Variants in ANK3 observed in about 807,000 individuals in gnomAD.
ANK3 encodes ankyrin-3.
ANK3 carries 57 observed loss-of-function variants against 370.9 expected under a neutral mutation model. The ratio of observed to expected loss-of-function variants is 0.15; its 90% confidence interval spans 0.12 to 0.19. The LOEUF (loss-of-function observed/expected upper bound fraction) is 0.19. ANK3 is among the 10% of genes least tolerant of loss of function. ANK3 has a pLI of 1.00. For synonymous variants in ANK3, 1,929 were observed against 1,946.3 expected (o/e 0.99, Z 0.23); for missense variants, 4,439 against 5,302.1 (o/e 0.84, Z 5.06).
chr10:60,262,019 A>G, intron 6 of ANK3, 62 bp from the exon 7 acceptor site: 2 of 1,375,120 alleles, frequency 1.5e-6, no homozygotes, highest in Non-Finnish European at 2.1e-6. Context: ...TGACAGGCAA[A>G]TATCATAACC....
At chr10:60,429,177 T>C (rs3999537) in intron 2 of ANK3, among the ~76,000 whole-genome samples, 54,702 of 152,006 alleles carry the variant, frequency 0.36, 10,236 homozygotes, top group South Asian at 0.43. Flanking sequence ...GAAGTTATGA[T>C]GCTGAATCTC....
intron 2 of ANK3, among the ~76,000 whole-genome samples, chr10:60,399,125 T>C (rs568487940): frequency 2.0e-4 from 30 of 152,268 alleles, no homozygotes; most frequent in Admixed American, 1.2e-3. Flanking sequence ...TGCATAATCT[T>C]TTTAAACATC....
intron 2 of ANK3, among the ~76,000 whole-genome samples, chr10:60,454,900 G>A (rs1303631758): frequency 6.6e-6 from 1 of 152,162 alleles, no homozygotes; most frequent in Non-Finnish European, 1.5e-5. Context: ...CTCAAATTGA[G>A]CAGGGGGAAA....
At chr10:60,572,635 G>T in intron 2 of ANK3, 2 of 1,475,482 alleles carry the variant, frequency 1.4e-6, no homozygotes, top group African/African-American at 1.4e-5. Flanking sequence ...CCATTTACGG[G>T]TGCTCCCCAG....
intron 2 of ANK3, among the ~76,000 whole-genome samples, chr10:60,513,387 A>G (rs1003471563): frequency 2.0e-4 from 31 of 152,116 alleles, no homozygotes; most frequent in African/African-American, 7.5e-4. Flanking sequence ...GTTTGTTCCA[A>G]TGGTGTTACT....
intron 1 of ANK3, among the ~76,000 whole-genome samples, chr10:60,662,135 CTATTGG>C (rs1010246863): frequency 2.0e-5 from 3 of 152,030 alleles, no homozygotes; most frequent in Non-Finnish European, 4.4e-5. Flanking sequence ...TCTATGACTA[CTATTGG>C]TCGTTTTTGA....
At position 60,317,613 on chromosome 10, in the gene ANK3, T is replaced by C. The variant is rs535836006; in HGVS notation, c.115-37974A>G. The stretch of plus-strand genomic sequence containing the variant: ...TAGCATGTCTGTAAAGTAAGTATTA[T>C]TATCTCCATCTGACAAATGAGAAAA... On this transcript the variant is annotated intron_variant, in intron 1 of 43. Coordinates refer to ENST00000280772, the MANE Select transcript of ANK3 (RefSeq NM_020987.5). 2.0e-5 allele frequency among the ~76,000 whole-genome samples: 3 copies of C among 152,328 alleles called. No homozygotes were observed. In the East Asian group the frequency reaches 5.8e-4, roughly 29 times the overall value.
intron 2 of ANK3, among the ~76,000 whole-genome samples, chr10:60,432,116 T>C (rs761823928): frequency 1.1e-4 from 17 of 152,316 alleles, no homozygotes; most frequent in South Asian, 2.1e-4. Context: ...AAAGTGGATA[T>C]TGGCAGTATC....
At chr10:60,369,060 T>C (rs781394913) in intron 1 of ANK3, among the ~76,000 whole-genome samples, 3 of 152,078 alleles carry the variant, frequency 2.0e-5, no homozygotes, top group Non-Finnish European at 4.4e-5. Context: ...ACCCTTAGGA[T>C]CAGTGCATTT....
At chr10:60,612,343 T>C (rs1050916680) in intron 2 of ANK3, among the ~76,000 whole-genome samples, 1 of 152,148 alleles carries the variant, frequency 6.6e-6, no homozygotes, top group African/African-American at 2.4e-5. Flanking sequence ...GATGAGTATA[T>C]ACCAGATGGG....
At chr10:60,046,897 C>A (rs2077060901) in intron 42 of ANK3, among the ~76,000 whole-genome samples, 1 of 151,480 alleles carries the variant, frequency 6.6e-6, no homozygotes, top group African/African-American at 2.4e-5. Flanking sequence ...AGCTCCGCCT[C>A]CCGGGTTCAT....
rs139048397 is a variant in ANK3 at position 60,070,854 on chromosome 10, G to C, written c.10027C>G (p.Gln3343Glu). 5.0e-5 allele frequency: 81 copies of C among 1,613,986 alleles called. No homozygotes were observed. The African/African-American group carries it at 1.0e-3, about 20-fold the overall frequency. ...TFKLKEVDDE[Q>E]KEKPKASAEK... ...GCAGAAGCTTTGGGTTTTTCTTTTTGTTCATCGTCCACTTCCTTTAATTTG... is the reference window on the plus strand; with the variant it reads ...GCAGAAGCTTTGGGTTTTTCTTTTTCTTCATCGTCCACTTCCTTTAATTTG... Residue 3343 changes from glutamine to glutamate, a missense_variant, in exon 37 of 44, where the codon CAA becomes GAA. Physicochemically the swap from Gln to Glu is conservative, Grantham distance 29. Coordinates refer to ENST00000280772, the MANE Select transcript of ANK3 (RefSeq NM_020987.5). This position sits in a 1 kb window ranked among gnomAD's most constrained non-coding sequence, Gnocchi z 5.7.
In ANK3 at chr10:60,524,841, A is replaced by G. The variant is rs1490933142; in HGVS notation, c.96+90345T>C. ...ATGTACAAGGATGAAAGGGAGCATCATGTGAAAAGCATGAGGAGTCCATGA... is the reference window on the plus strand; with the variant it reads ...ATGTACAAGGATGAAAGGGAGCATCGTGTGAAAAGCATGAGGAGTCCATGA... On this transcript the variant is annotated intron_variant, in intron 2 of 43. Coordinates refer to the ANK3 transcript ENST00000373827. Among the ~76,000 whole-genome samples, 4 of 152,102 alleles carry G rather than the reference A, an allele frequency of 2.6e-5. No individual in the cohort carries two copies. In the South Asian group the frequency reaches 8.3e-4, roughly 31 times the overall value.
At chr10:60,327,574 G>T (rs1431524248) in intron 1 of ANK3, among the ~76,000 whole-genome samples, 2 of 152,208 alleles carry the variant, frequency 1.3e-5, no homozygotes, top group African/African-American at 4.8e-5. Context: ...AAGAATAAGG[G>T]TGAGGATATG....
chr10:60,323,639 G>C (rs1456226409), intron 1 of ANK3, among the ~76,000 whole-genome samples: 1 of 152,178 alleles, frequency 6.6e-6, no homozygotes, highest in Non-Finnish European at 1.5e-5. Context: ...AGCCATGAGA[G>C]TGGATGATAT....
chr10:60,260,598 G>A (rs1458797705), intron 7 of ANK3, among the ~76,000 whole-genome samples: 1 of 152,170 alleles, frequency 6.6e-6, no homozygotes, highest in Non-Finnish European at 1.5e-5. Context: ...GTGCAGTCTG[G>A]TGGGAGGTGA....
chr10:60,036,455 A>C (rs2075017373), intron 43 of ANK3, among the ~76,000 whole-genome samples: 1 of 18,812 alleles, frequency 5.3e-5, no homozygotes. Flanking sequence ...TTTTTTTTTG[A>C]GACGGAGTCT....
At chr10:60,305,335 C>T (rs1026680152) in intron 1 of ANK3, among the ~76,000 whole-genome samples, 4 of 151,890 alleles carry the variant, frequency 2.6e-5, no homozygotes, top group African/African-American at 9.7e-5. Context: ...ATCTTGTAGG[C>T]AGACCTTAGT....
intron 2 of ANK3, among the ~76,000 whole-genome samples, chr10:60,568,128 T>C (rs2133260955): frequency 6.6e-6 from 1 of 152,332 alleles, no homozygotes; most frequent in Admixed American, 6.5e-5. Flanking sequence ...AGTGGTGATG[T>C]TGAGATTGAC....
Sources: allele counts gnomAD v4.1 joint callset (sites outside exome capture counted in the v4.1 genomes callset), GRCh38; gene constraint gnomAD v4.1.1; non-coding constraint Gnocchi (gnomAD v3.1); transcripts MANE v1.5; gene names NCBI Gene and HGNC (gene_info 2026-07-23, HGNC 2026-07-21).